MTMR10: variants seen among roughly 807,000 people sequenced by gnomAD.
The protein encoded by MTMR10 is myotubularin related protein 10.
Under a neutral mutation model 88.1 loss-of-function variants are expected in MTMR10, and 56 were observed. That is an observed-to-expected ratio of 0.64 (90% CI 0.51 to 0.79). The LOEUF (loss-of-function observed/expected upper bound fraction) is 0.79. Ranked by LOEUF, MTMR10 falls within the 30% of genes least tolerant of loss-of-function variation. MTMR10 has a pLI of 0.00. For missense variants in MTMR10, 883 were observed against 924.7 expected, an observed-to-expected ratio of 0.95 and a Z score of 0.58; for synonymous variants, 380 against 340.9, an observed-to-expected ratio of 1.11 and a Z score of -1.26.
At position 30,940,319 on chromosome 15, in the gene MTMR10, G is replaced by A. The variant is rs535234051; in HGVS notation, c.*1151C>T. ...TCAGATCAAGCAAACAACTGTGTCTGCTCATTCTCCTCAACTTTGCTGTCC... is the reference window on the plus strand; with the variant it reads ...TCAGATCAAGCAAACAACTGTGTCTACTCATTCTCCTCAACTTTGCTGTCC... On this transcript the variant is annotated 3_prime_UTR_variant, in exon 16 of 16. Transcript: ENST00000435680. The A allele has an allele frequency of 1.4e-5, 14 of 985,276 alleles. No homozygotes were observed. Among genetic ancestry groups the A allele is most frequent in the Non-Finnish European group, 1.7e-5 (14 of 829,902 alleles). The allele number at this position is 985,276 out of a possible 1,614,324, so 61.0% of individuals were successfully genotyped here. A position where few individuals can be genotyped will look rare whatever the true frequency, so the allele number is the denominator to read the frequency against.
Position 30,990,768 on chromosome 15 carries a change from A to G in MTMR10, c.121+9T>C, listed in dbSNP as rs1281526914. On this transcript the variant is annotated intron_variant, in intron 2 of 15. Coordinates refer to ENST00000435680, the MANE Select transcript of MTMR10 (RefSeq NM_017762.3). ...TAAAGTATCTGTTAGAATCCTAACTAATGTTTACCTGGCAAAAGGACTGGC... is the reference window on the plus strand; with the variant it reads ...TAAAGTATCTGTTAGAATCCTAACTGATGTTTACCTGGCAAAAGGACTGGC... 2.5e-6 allele frequency: 4 copies of G among 1,606,428 alleles called. No homozygotes were observed. The highest frequency in any genetic ancestry group is 3.4e-6 in the Non-Finnish European group (4 of 1,175,588).
chr15:30,948,861 G>GC, intron 12 of MTMR10: 1 of 223,068 alleles, frequency 4.5e-6, no homozygotes, highest in African/African-American at 2.3e-5. Flanking sequence ...GGGAGAGTGG[G>GC]ACTGTTCACT....
At chr15:30,929,307 G>A in the MTMR10 span, 2 of 1,612,842 alleles carry the variant, frequency 1.2e-6, no homozygotes, top group Admixed American at 3.3e-5. Context: ...AGAGCCTGCG[G>A]GCCTGGGTGG....
At chr15:30,963,729 A>G (rs980536159) in intron 6 of MTMR10, among the ~76,000 whole-genome samples, 3 of 151,878 alleles carry the variant, frequency 2.0e-5, no homozygotes, top group African/African-American at 7.3e-5. Context: ...CTAGAGTCCC[A>G]CTCCATCTCA....
At chr15:30,927,826 T>C in the MTMR10 span, 1 of 985,656 alleles carries the variant, frequency 1.0e-6, no homozygotes, top group Non-Finnish European at 1.2e-6. Flanking sequence ...GTCTGTGTGT[T>C]GTGCCAAGGC....
the MTMR10 span, chr15:30,925,184 C>T: frequency 6.2e-7 from 1 of 1,614,082 alleles, no homozygotes; most frequent in Non-Finnish European, 8.5e-7. Flanking sequence ...GGGACACCGC[C>T]TTTCACTGTA....
At chr15:30,944,069 C>T (rs1595907797) in intron 14 of MTMR10, 14 of 943,948 alleles carry the variant, frequency 1.5e-5, no homozygotes, top group Non-Finnish European at 1.6e-5. Context: ...AAAAGGCAAA[C>T]AATGAATGTT....
chr15:30,973,745 T>C (rs2029894685), intron 5 of MTMR10, among the ~76,000 whole-genome samples: 1 of 152,130 alleles, frequency 6.6e-6, no homozygotes, highest in Non-Finnish European at 1.5e-5. Context: ...CCCTTGACTC[T>C]TACAAGTAGG....
chr15:30,989,222 T>G (rs1193999402), intron 2 of MTMR10, among the ~76,000 whole-genome samples: 2 of 151,944 alleles, frequency 1.3e-5, no homozygotes, highest in Non-Finnish European at 2.9e-5. Context: ...ATGCTCAGAG[T>G]GACTAAGACT....
intron 14 of MTMR10, among the ~76,000 whole-genome samples, chr15:30,944,687 G>GTT (rs1458895422): frequency 2.0e-5 from 3 of 152,062 alleles, no homozygotes; most frequent in African/African-American, 7.2e-5. Flanking sequence ...ACCCAAACGT[G>GTT]TTTTAATGGC....
chr15:30,969,078 A>G (rs2063506247), intron 5 of MTMR10, among the ~76,000 whole-genome samples: 1 of 152,180 alleles, frequency 6.6e-6, no homozygotes, highest in Admixed American at 6.5e-5. Context: ...AGAAAAGTTA[A>G]TTGTTAGTTC....
chr15:30,971,080 A>G (rs1007576255), intron 5 of MTMR10, among the ~76,000 whole-genome samples: 1 of 152,110 alleles, frequency 6.6e-6, no homozygotes, highest in Non-Finnish European at 1.5e-5. Flanking sequence ...GAGAAGAGAA[A>G]GCCAGGGCCC....
At position 30,948,452 on chromosome 15, in the gene MTMR10, C is replaced by T. The variant is rs1566948373; in HGVS notation, c.1227G>A (p.Leu409=). 1 of 1,608,612 alleles carries T rather than the reference C, an allele frequency of 6.2e-7. No individual in the cohort carries two copies. The part of the protein sequence containing the change: ...VVLQEEEGRD[L]SCCVASLVQV... ...GAACAAGAGAAGCTACACAACAGCT[C>T]AAGTCTCTTCCTTCCTCCTCTGTTA... is the stretch of plus-strand genomic sequence containing the variant. The change falls in exon 13 of 16, where the codon TTG becomes TTA. Residue 409 remains leucine, a synonymous_variant. Transcript: ENST00000435680.
rs753503915 is a variant in MTMR10, at chr15:30,941,634, G to A, written c.2170C>T (p.His724Tyr). 5.8e-5 allele frequency: 94 copies of A among 1,607,926 alleles called. No homozygotes were observed. Among genetic ancestry groups the A allele is most frequent in the Non-Finnish European group, 7.8e-5 (92 of 1,177,104 alleles). Residue 724 changes from histidine to tyrosine, a missense_variant, in exon 16 of 16, where the codon CAC becomes TAC. Physicochemically the swap from His to Tyr is moderately conservative, Grantham distance 83 (BLOSUM62 2). Transcript: ENST00000435680. Reference sequence around the variant, plus strand: ...GGTGTCCCCGAGGTGTCGGTGTGGTGAGGGCCGCTGGCGTTGAAGTACATC... The same window carrying A: ...GGTGTCCCCGAGGTGTCGGTGTGGTAAGGGCCGCTGGCGTTGAAGTACATC... ...SRMYFNASGP[H>Y]HTDTSGTPEF...
the MTMR10 span, chr15:30,925,003 TG>T: frequency 1.1e-6 from 1 of 944,748 alleles, no homozygotes; most frequent in Non-Finnish European, 1.6e-6. Flanking sequence ...CTAGAAGTGC[TG>T]TTTGCTCATT....
chr15:30,946,975 G>A (rs879103993), intron 14 of MTMR10, 155 bp downstream of exon 14: 2 of 978,024 alleles, frequency 2.0e-6, no homozygotes, highest in South Asian at 3.9e-5. Context: ...AGATTTTTGT[G>A]TCTTCAAAAT....
At chr15:30,971,949 A>G (rs2063543230) in intron 5 of MTMR10, among the ~76,000 whole-genome samples, 1 of 152,190 alleles carries the variant, frequency 6.6e-6, no homozygotes, top group African/African-American at 2.4e-5. Context: ...TTGAAACAAC[A>G]CCAACAAGAC....
the MTMR10 span, among the ~76,000 whole-genome samples, chr15:30,932,775 G>A: frequency 4.0e-5 from 6 of 148,732 alleles, no homozygotes; most frequent in African/African-American, 1.2e-4. Context: ...GTGTAGTAGC[G>A]TGAGTTAGCT....
At chr15:30,973,450 T>C (rs2029881858) in intron 5 of MTMR10, among the ~76,000 whole-genome samples, 1 of 152,098 alleles carries the variant, frequency 6.6e-6, no homozygotes, top group Non-Finnish European at 1.5e-5. Context: ...CCTTACAGTA[T>C]TTTTGCCAGC....
Sources: gnomAD v4.1 joint callset for allele counts (sites outside exome capture counted in the v4.1 genomes callset) on GRCh38, gnomAD v4.1.1 for gene constraint, MANE v1.5 for transcripts, NCBI Gene and HGNC (gene_info 2026-07-23, HGNC 2026-07-21) for gene names.